Variants in MPRIP observed in about 807,000 individuals in gnomAD.
MPRIP encodes myosin phosphatase Rho-interacting protein.
A neutral mutation model predicts 234.9 loss-of-function variants in MPRIP; 59 were observed. The observed-to-expected ratio is 0.25, with a 90% CI of 0.20 to 0.31. The LOEUF (loss-of-function observed/expected upper bound fraction) is 0.31, where lower values mean the gene tolerates loss of function less well. MPRIP is among the 10% of genes least tolerant of loss of function. The probability of loss-of-function intolerance (pLI) is 1.00; values close to 1 mark genes in which losing one functional copy is unlikely to be tolerated. For missense variants in MPRIP, 2,436 were observed against 3,071.0 expected, an observed-to-expected ratio of 0.79 and a Z score of 4.89; for synonymous variants, 1,144 against 1,263.9, an observed-to-expected ratio of 0.91 and a Z score of 2.01.
intron 9 of MPRIP, among the ~76,000 whole-genome samples, chr17:17,144,657 A>C (rs1251961763): frequency 6.6e-6 from 1 of 152,218 alleles, no homozygotes; most frequent in East Asian, 1.9e-4. Flanking sequence ...AGAGATCGAG[A>C]CCATCCTGAC....
At chr17:17,051,265 C>T (rs1179501703) in intron 1 of MPRIP, among the ~76,000 whole-genome samples, 2 of 152,192 alleles carry the variant, frequency 1.3e-5, no homozygotes, top group African/African-American at 4.8e-5. Flanking sequence ...TCCCAAGCTG[C>T]CACTTAGTCT....
At chr17:17,155,313 C>T (rs980730229) in intron 13 of MPRIP, among the ~76,000 whole-genome samples, 7 of 151,314 alleles carry the variant, frequency 4.6e-5, no homozygotes, top group African/African-American at 7.3e-5. Flanking sequence ...AGTGCAATAA[C>T]GTGATCTCGG....
intron 1 of MPRIP, among the ~76,000 whole-genome samples, chr17:17,062,833 C>T (rs552638569): frequency 6.6e-6 from 1 of 152,362 alleles, no homozygotes; most frequent in African/African-American, 2.4e-5. Context: ...GTGAGTTCTT[C>T]AGGCCCAGGC....
intron 11 of MPRIP, 53 bp downstream of exon 11, chr17:17,147,440 G>A (rs538847015): frequency 2.4e-5 from 37 of 1,525,494 alleles, no homozygotes; most frequent in African/African-American, 9.6e-5. Context: ...GGGTCCAGGC[G>A]GCATCTGGGG....
rs375924665 is a variant in MPRIP, at chr17:17,175,332, C to T, written c.6790C>T (p.Arg2264Trp). The T allele has an allele frequency of 6.2e-6, 10 of 1,613,450 alleles. No homozygotes were observed. The highest frequency in any genetic ancestry group is 1.7e-5 in the Admixed American group (1 of 60,008). The change falls in exon 20 of 24, where the codon CGG becomes TGG. Residue 2264 changes from arginine to tryptophan, a missense_variant. Around this residue, in one of 4 missense-constraint regions of MPRIP, gnomAD observed 1,998 missense variants for 2,520.3 expected, o/e 0.79. Coordinates refer to ENST00000651222, the MANE Select transcript of MPRIP (RefSeq NM_001364716.4). Reference protein sequence around the residue: ...NRLAAEITRLRTLLTGDGGGE... With the variant: ...NRLAAEITRLWTLLTGDGGGE... Reference sequence around the variant, plus strand: ...CCTGGCTGCAGAGATCACACGGTTGCGGACGCTGCTGACTGGGGACGGCGG... The same window carrying T: ...CCTGGCTGCAGAGATCACACGGTTGTGGACGCTGCTGACTGGGGACGGCGG...
intron 3 of MPRIP, among the ~76,000 whole-genome samples, chr17:17,109,517 C>G (rs1211779360): frequency 1.3e-5 from 2 of 152,170 alleles, no homozygotes; most frequent in Non-Finnish European, 2.9e-5. Flanking sequence ...CACGGAGGTG[C>G]TAGTGTGTTT....
chr17:17,058,890 C>G (rs1597727459), intron 1 of MPRIP, among the ~76,000 whole-genome samples: 1 of 152,146 alleles, frequency 6.6e-6, no homozygotes, highest in Non-Finnish European at 1.5e-5. Context: ...GGCTGCTCCC[C>G]AAGCAAAGGT....
intron 1 of MPRIP, among the ~76,000 whole-genome samples, chr17:17,062,136 A>G (rs958452494): frequency 6.6e-6 from 1 of 152,140 alleles, no homozygotes; most frequent in Non-Finnish European, 1.5e-5. Flanking sequence ...GCCAGTGTAC[A>G]TTAAATACCT....
At chr17:17,183,508 G>A (rs981003987) in intron 23 of MPRIP, among the ~76,000 whole-genome samples, 10 of 152,238 alleles carry the variant, frequency 6.6e-5, no homozygotes, top group Non-Finnish European at 1.0e-4. Context: ...GAGCCACCGC[G>A]CCCGGCCTGG....
intron 1 of MPRIP, among the ~76,000 whole-genome samples, chr17:17,074,162 C>T (rs898655202): frequency 2.0e-5 from 3 of 152,218 alleles, no homozygotes; most frequent in Admixed American, 6.5e-5. Context: ...GAATAAAAAG[C>T]ACATCAGGAG....
At chr17:17,136,562 C>T (rs2090704735) in intron 6 of MPRIP, 112 bp downstream of exon 6, 6 of 1,028,754 alleles carry the variant, frequency 5.8e-6, no homozygotes, top group South Asian at 3.2e-5. Context: ...GCCTGGACCT[C>T]GATTCCCTTT....
chr17:17,159,832 A>C (rs1198367304), intron 14 of MPRIP, among the ~76,000 whole-genome samples: 2 of 152,162 alleles, frequency 1.3e-5, no homozygotes, highest in Non-Finnish European at 2.9e-5. Flanking sequence ...CTTGTTAAAG[A>C]TTTGCCACTT....
chr17:17,096,295 GTGTGTGTGTGTGT>G (rs2089841502), intron 3 of MPRIP, among the ~76,000 whole-genome samples: 1 of 3,690 alleles, frequency 2.7e-4, no homozygotes, highest in Non-Finnish European at 7.4e-4. Context: ...CAGGGTGTGT[GTGTGTGTGTGTGT>G]GTGTGTGTGT....
At chr17:17,113,435 G>A (rs753201652) in intron 3 of MPRIP, among the ~76,000 whole-genome samples, 1 of 152,206 alleles carries the variant, frequency 6.6e-6, no homozygotes, top group Non-Finnish European at 1.5e-5. Flanking sequence ...TTAGCATAGT[G>A]TTTTCAAGAT....
Position 17,190,877 on chromosome 17 carries a change from A to C in MPRIP, c.*5983A>C, listed in dbSNP as rs996062079. On this transcript the variant is annotated 3_prime_UTR_variant, in exon 24 of 24. Coordinates refer to ENST00000651222, the MANE Select transcript of MPRIP (RefSeq NM_001364716.4). Reference sequence around the variant, plus strand: ...AAAAGCAGCTGTGTTTATTTTCTTCAAAATAACCTGTATATTATTTAGAGC... The same window carrying C: ...AAAAGCAGCTGTGTTTATTTTCTTCCAAATAACCTGTATATTATTTAGAGC... The C allele has an allele frequency of 6.6e-6, 1 of 152,216 alleles. No homozygotes were observed. Among genetic ancestry groups the C allele is most frequent in the African/African-American group, 2.4e-5 (1 of 41,454 alleles). 9.4% of individuals were successfully genotyped at this position (152,216 alleles called of 1,614,324 possible).
chr17:17,044,667 T>A (rs945951280), intron 1 of MPRIP, among the ~76,000 whole-genome samples: 1 of 152,184 alleles, frequency 6.6e-6, no homozygotes, highest in Admixed American at 6.5e-5. Flanking sequence ...TTACACCTCA[T>A]AGGGGCTGTT....
intron 3 of MPRIP, among the ~76,000 whole-genome samples, chr17:17,108,064 T>C (rs1396334745): frequency 6.6e-6 from 1 of 152,190 alleles, no homozygotes; most frequent in East Asian, 1.9e-4. Flanking sequence ...TCTCCCTTTT[T>C]CCCAGGCCTG....
At chr17:17,091,494 C>CT (rs1262405208) in intron 3 of MPRIP, among the ~76,000 whole-genome samples, 1 of 152,174 alleles carries the variant, frequency 6.6e-6, no homozygotes, top group Non-Finnish European at 1.5e-5. Flanking sequence ...AGAGACACTC[C>CT]TCAAGGCTCA....
At chr17:17,147,145 G>A (rs939143115) in intron 10 of MPRIP, among the ~76,000 whole-genome samples, 174 bp from the exon 11 acceptor site, 1 of 152,038 alleles carries the variant, frequency 6.6e-6, no homozygotes, top group African/African-American at 2.4e-5. Flanking sequence ...GCGCATGGCT[G>A]CCTGCAGTCC....
Sources: gnomAD v4.1 joint callset for allele counts (sites outside exome capture counted in the v4.1 genomes callset) on GRCh38, gnomAD v4.1.1 for gene constraint, gnomAD v4.1.1 regional missense constraint, MANE v1.5 for transcripts, NCBI Gene and HGNC (gene_info 2026-07-23, HGNC 2026-07-21) for gene names.